The following CFAP299 variants were observed in gnomAD, a reference collection of about 807,000 sequenced individuals.
CFAP299 encodes cilia and flagella associated protein 299.
A neutral mutation model predicts 27.0 loss-of-function variants in CFAP299; 21 were observed. The observed-to-expected ratio is 0.78, with a 90% CI of 0.55 to 1.12. The LOEUF (loss-of-function observed/expected upper bound fraction) is 1.12. CFAP299 is among the 50% of genes most tolerant of loss of function. The probability of loss-of-function intolerance (pLI) is 0.00; values close to 1 mark genes in which losing one functional copy is unlikely to be tolerated. For missense variants in CFAP299, 310 were observed against 276.6 expected (o/e 1.12, Z -0.86); for synonymous variants, 104 against 98.1 (o/e 1.06, Z -0.36).
chr4:80,322,545 AG>A, the CFAP299 span, among the ~76,000 whole-genome samples: 152 of 152,274 alleles, frequency 1.0e-3, no homozygotes, highest in Middle Eastern at 3.4e-3. Flanking sequence ...TAAATACTAA[AG>A]CAGAGTCAAG....
rs552293572 is a variant in CFAP299 at position 80,551,754 on chromosome 4, AT to A, written c.243-31325del. Among the ~76,000 whole-genome samples the A allele has an allele frequency of 4.7e-3, 679 of 143,316 alleles. 1 individual carries two copies. Among genetic ancestry groups the A allele is most frequent in the East Asian group, 5.3e-3 (26 of 4,948 alleles). The allele number at this position is 143,316 out of a possible 152,430, so 94.0% of individuals were successfully genotyped here. On this transcript the variant is annotated intron_variant, in intron 2 of 5. Transcript: ENST00000358105. Reference sequence around the variant, plus strand: ...TTTCCATGTAAGTGATATATCTATGATTTTTTTTTTTTTTAATGGAGACTCG... The same window carrying A: ...TTTCCATGTAAGTGATATATCTATGATTTTTTTTTTTTTAATGGAGACTCG...
At chr4:80,390,999 A>C (rs925878784) in intron 2 of CFAP299, among the ~76,000 whole-genome samples, 2 of 147,820 alleles carry the variant, frequency 1.4e-5, no homozygotes, top group Non-Finnish European at 3.0e-5. Context: ...ATATGTATAT[A>C]TGTATGTACA....
At chr4:80,671,249 C>A (rs1472715734) in intron 3 of CFAP299, among the ~76,000 whole-genome samples, 2 of 152,134 alleles carry the variant, frequency 1.3e-5, no homozygotes, top group African/African-American at 4.8e-5. Context: ...AATAGGGAAT[C>A]CTTTCCCCAT....
At chr4:80,667,584 C>A (rs1174486010) in intron 3 of CFAP299, among the ~76,000 whole-genome samples, 1 of 152,108 alleles carries the variant, frequency 6.6e-6, no homozygotes, top group African/African-American at 2.4e-5. Flanking sequence ...TGTGAACATG[C>A]AATATTTGTC....
chr4:80,374,272 C>T, intron 2 of CFAP299, among the ~76,000 whole-genome samples: 1 of 152,150 alleles, frequency 6.6e-6, no homozygotes, highest in Admixed American at 6.6e-5. Flanking sequence ...TGGTACAAGT[C>T]CTAGGTCTTG....
At chr4:80,953,340 G>A (rs1039515782) in intron 5 of CFAP299, among the ~76,000 whole-genome samples, 5 of 152,050 alleles carry the variant, frequency 3.3e-5, no homozygotes, top group Non-Finnish European at 7.4e-5. Context: ...TTCTCGTTTT[G>A]CTACCCAAAT....
chr4:80,862,196 C>A (rs986306666), intron 3 of CFAP299, among the ~76,000 whole-genome samples: 3 of 151,916 alleles, frequency 2.0e-5, no homozygotes, highest in Non-Finnish European at 4.4e-5. Flanking sequence ...ATGGTGAAAC[C>A]CCATCTCTAC....
intron 5 of CFAP299, among the ~76,000 whole-genome samples, chr4:80,961,387 C>T (rs1445013076): frequency 2.0e-5 from 3 of 151,696 alleles, no homozygotes; most frequent in African/African-American, 7.2e-5. Context: ...ATTTTAAAAA[C>T]ATTTCTGAGT....
At chr4:80,604,730 A>G (rs530037248) in intron 3 of CFAP299, among the ~76,000 whole-genome samples, 2 of 152,312 alleles carry the variant, frequency 1.3e-5, no homozygotes, top group African/African-American at 4.8e-5. Flanking sequence ...TGGAAAGCAA[A>G]GTGAGATGCT....
chr4:80,660,028 T>C (rs1047527217), intron 3 of CFAP299, among the ~76,000 whole-genome samples: 4 of 152,146 alleles, frequency 2.6e-5, no homozygotes, highest in African/African-American at 9.7e-5. Context: ...CTGAACCTAC[T>C]GGTTGAGCTC....
intron 2 of CFAP299, among the ~76,000 whole-genome samples, chr4:80,494,068 C>T (rs1036615106): frequency 6.6e-6 from 1 of 152,140 alleles, no homozygotes; most frequent in African/African-American, 2.4e-5. Context: ...AGCCACCGCG[C>T]CTGGCCTCTA....
At chr4:80,963,377 GA>G in intron 5 of CFAP299, 139 bp from the exon 6 acceptor site, 4 of 600,802 alleles carry the variant, frequency 6.7e-6, no homozygotes, top group Non-Finnish European at 1.2e-5. Context: ...AGACTAGGGG[GA>G]AAACATGTAT....
intron 5 of CFAP299, among the ~76,000 whole-genome samples, chr4:80,950,750 A>G (rs1227741612): frequency 6.6e-6 from 1 of 152,170 alleles, no homozygotes; most frequent in Non-Finnish European, 1.5e-5. Context: ...CCTCATCCCA[A>G]GAAGGCTGGA....
intron 5 of CFAP299, among the ~76,000 whole-genome samples, chr4:80,949,803 G>A (rs946008002): frequency 1.3e-5 from 2 of 152,098 alleles, no homozygotes; most frequent in African/African-American, 4.8e-5. Flanking sequence ...CAGGACTGAG[G>A]CAGATCTTGG....
At chr4:80,477,119 A>G (rs1730321172) in intron 2 of CFAP299, among the ~76,000 whole-genome samples, 1 of 151,828 alleles carries the variant, frequency 6.6e-6, no homozygotes, top group Admixed American at 6.6e-5. Context: ...TGGAGGTGCA[A>G]TCATAGCTCA....
intron 3 of CFAP299, among the ~76,000 whole-genome samples, chr4:80,724,865 T>C (rs1425616602): frequency 3.3e-5 from 5 of 151,280 alleles, no homozygotes; most frequent in Non-Finnish European, 7.4e-5. Flanking sequence ...TTCCTTTCCT[T>C]CCTTCTTTCC....
intron 3 of CFAP299, among the ~76,000 whole-genome samples, chr4:80,716,646 C>T (rs1445133316): frequency 6.6e-6 from 1 of 152,074 alleles, no homozygotes; most frequent in African/African-American, 2.4e-5. Context: ...ATTTATAATG[C>T]AAATGAGCAT....
chr4:80,789,925 A>G (rs1436758722), intron 3 of CFAP299, among the ~76,000 whole-genome samples: 1 of 152,040 alleles, frequency 6.6e-6, no homozygotes, highest in East Asian at 1.9e-4. Context: ...TTCGACCACT[A>G]GTAGGCAGAC....
At chr4:80,874,467 A>G (rs757739488) in intron 4 of CFAP299, among the ~76,000 whole-genome samples, 9 of 152,200 alleles carry the variant, frequency 5.9e-5, no homozygotes, top group Non-Finnish European at 1.0e-4. Context: ...GTGCTGCTAT[A>G]ACAAAATACC....
Sources: gnomAD v4.1 joint callset for allele counts (sites outside exome capture counted in the v4.1 genomes callset) on GRCh38, gnomAD v4.1.1 for gene constraint, MANE v1.5 for transcripts, NCBI Gene and HGNC (gene_info 2026-07-23, HGNC 2026-07-21) for gene names.